LYSMD4: variants seen among roughly 807,000 people sequenced by gnomAD.
The protein encoded by LYSMD4 is lysM and putative peptidoglycan-binding domain-containing protein 4.
In LYSMD4, 9 loss-of-function variants were observed where a neutral mutation model predicts 6.1. The ratio of observed to expected loss-of-function variants is 1.47; its 90% CI spans 0.88 to 2.56. The LOEUF is 2.56. Among genes scored for constraint, LYSMD4 ranks in the 30% most tolerant of loss-of-function variants. The pLI is 0.00. For missense variants in LYSMD4, 384 were observed against 373.5 expected, an observed-to-expected ratio of 1.03 and a Z score of -0.23; for synonymous variants, 143 against 148.5, an observed-to-expected ratio of 0.96 and a Z score of 0.27.
chr15:99,722,195 G>A (rs2059242516), upstream of LYSMD4, among the ~76,000 whole-genome samples: 1 of 152,200 alleles, frequency 6.6e-6, no homozygotes, highest in Admixed American at 6.5e-5. Flanking sequence ...TTATTACCTA[G>A]TTTATTAATG....
upstream of LYSMD4, among the ~76,000 whole-genome samples, chr15:99,721,141 A>C (rs1261918446): frequency 6.6e-6 from 1 of 152,196 alleles, no homozygotes; most frequent in Non-Finnish European, 1.5e-5. Flanking sequence ...TATGTGATAC[A>C]ACCTGAAAAA....
In LYSMD4 at chr15:99,729,498, C is replaced by A. The variant is rs947007733; in HGVS notation, c.516G>T (p.Gly172=). 1 of 1,614,124 alleles carries A rather than the reference C, an allele frequency of 6.2e-7. No homozygotes were observed. The highest frequency in any genetic ancestry group is 2.2e-5 in the East Asian group (1 of 44,884). ...QAGQLMGFFK[G]IDQDIERAVQ... ...CTGCACGCTCAATATCCTGGTCAAT[C>A]CCCTTAAAGAAGCCCATCAGTTGGC... Residue 172 remains glycine (G), a synonymous_variant, in exon 3 of 3, where the codon GGG becomes GGT. Coordinates refer to ENST00000684762, the MANE Select transcript of LYSMD4 (RefSeq NM_001284417.2).
At chr15:99,732,723 C>T (rs762061018) in intron 1 of LYSMD4, among the ~76,000 whole-genome samples, 2 of 152,260 alleles carry the variant, frequency 1.3e-5, no homozygotes, top group Non-Finnish European at 1.5e-5. Context: ...AACGAAATCT[C>T]AAACACGCGG....
chr15:99,726,040 T>G (rs749741663), downstream of LYSMD4, among the ~76,000 whole-genome samples: 3 of 152,086 alleles, frequency 2.0e-5, no homozygotes, highest in Non-Finnish European at 4.4e-5. Context: ...GCTTATATGA[T>G]TGTTGTTGCT....
chr15:99,721,285 A>G (rs2059235836), upstream of LYSMD4, among the ~76,000 whole-genome samples: 1 of 152,194 alleles, frequency 6.6e-6, no homozygotes, highest in Non-Finnish European at 1.5e-5. Context: ...TGTTCTGACA[A>G]TACGTGCTTC....
At position 99,729,599 on chromosome 15, in the gene LYSMD4, G is replaced by T; in HGVS notation, c.415C>A (p.Pro139Thr). 6.2e-7 allele frequency: 1 copy of T among 1,614,124 alleles called. No individual in the cohort carries two copies. Residue 139 changes from proline to threonine, a missense_variant, in exon 3 of 3, where the codon CCG (proline) becomes ACG (threonine). Pro to Thr is a conservative substitution (Grantham distance 38). Coordinates refer to ENST00000684762, the MANE Select transcript of LYSMD4 (RefSeq NM_001284417.2). ...THKELKPLLS[P>T]SSETTVTVEL... Reference sequence around the variant, plus strand: ...ACGGTCACTGTGGTCTCGGAAGACGGGCTCAGAAGGGGTTTCAGTTCTTTG... The same window carrying T: ...ACGGTCACTGTGGTCTCGGAAGACGTGCTCAGAAGGGGTTTCAGTTCTTTG...
chr15:99,722,585 A>G (rs1311743356), downstream of LYSMD4, among the ~76,000 whole-genome samples: 1 of 152,234 alleles, frequency 6.6e-6, no homozygotes, highest in Non-Finnish European at 1.5e-5. Flanking sequence ...CAACAAATGG[A>G]CCCAGAATGA....
intron 1 of LYSMD4, chr15:99,732,948 GC>G (rs1381986363): frequency 4.7e-5 from 8 of 168,882 alleles, no homozygotes; most frequent in Non-Finnish European, 8.8e-5. Context: ...CACGGCGGCA[GC>G]CCGGGGACGG....
At chr15:99,731,552 C>CA (rs1365651193) in intron 2 of LYSMD4, 166 bp downstream of exon 2, 9 of 1,532,970 alleles carry the variant, frequency 5.9e-6, no homozygotes, top group Non-Finnish European at 7.8e-6. Flanking sequence ...AAGGTACTCC[C>CA]ACCTGCATTC....
chr15:99,727,027 A>T (rs1345669002), downstream of LYSMD4, among the ~76,000 whole-genome samples: 1 of 152,152 alleles, frequency 6.6e-6, no homozygotes, highest in Non-Finnish European at 1.5e-5. Flanking sequence ...AGACACCTCC[A>T]TCTTCTCCAG....
chr15:99,717,664 G>A (rs1306051030), exon 1 of LYSMD4: 1 of 152,230 alleles, frequency 6.6e-6, no homozygotes, highest in East Asian at 1.9e-4. Flanking sequence ...CATAGCTGGG[G>A]TGTAAAGCTT....
upstream of LYSMD4, among the ~76,000 whole-genome samples, chr15:99,722,003 G>C (rs541605633): frequency 2.6e-5 from 4 of 152,234 alleles, no homozygotes; most frequent in South Asian, 8.3e-4. Context: ...CACAGTACTG[G>C]GGAGGGGGAA....
exon 1 of LYSMD4, chr15:99,716,646 G>A (rs73482426): frequency 1.9e-4 from 87 of 456,650 alleles, no homozygotes; most frequent in South Asian, 8.5e-4. Flanking sequence ...CAAGGAAACC[G>A]TCCCAACGCC....
exon 1 of LYSMD4, chr15:99,716,732 C>A: frequency 2.2e-6 from 1 of 456,126 alleles, no homozygotes; most frequent in Admixed American, 2.4e-5. Flanking sequence ...AGCAGTGGGC[C>A]ACGCAGTCCC....
upstream of LYSMD4, among the ~76,000 whole-genome samples, chr15:99,718,101 A>G (rs1338393245): frequency 6.6e-6 from 1 of 152,254 alleles, no homozygotes; most frequent in East Asian, 1.9e-4. Context: ...TGCCTGTTCT[A>G]GGATCCAATC....
downstream of LYSMD4, among the ~76,000 whole-genome samples, chr15:99,723,511 C>T (rs943253828): frequency 1.3e-5 from 2 of 152,190 alleles, no homozygotes; most frequent in African/African-American, 2.4e-5. Flanking sequence ...GACTGCTGTT[C>T]CCAGGACTAG....
At position 99,733,383 on chromosome 15, in the gene LYSMD4, C is replaced by A; in HGVS notation, c.-47G>T. On this transcript the variant is annotated 5_prime_UTR_variant, in exon 1 of 3. Coordinates refer to ENST00000684762, the MANE Select transcript of LYSMD4 (RefSeq NM_001284417.2). ...CTCCGCCGCGACCGGCGACCGGCGA[C>A]TCGCGACCCGCGACCCGCGACCCGC... 2.5e-6 allele frequency: 1 copy of A among 395,634 alleles called. No individual in the cohort carries two copies. The allele number at this position is 395,634 out of a possible 1,614,324, so 24.5% of individuals were successfully genotyped here.
chr15:99,731,864 C>G lies in LYSMD4; in HGVS notation c.136G>C (p.Val46Leu). The G allele has an allele frequency of 6.2e-7, 1 of 1,613,582 alleles. No individual in the cohort carries two copies. The highest frequency in any genetic ancestry group is 8.5e-7 in the Non-Finnish European group (1 of 1,180,030). The change falls in exon 2 of 3, where the codon GTG becomes CTG. Residue 46 changes from valine (V) to leucine (L), a missense_variant. By Grantham distance (32) the Val-to-Leu change is conservative. Coordinates refer to ENST00000684762, the MANE Select transcript of LYSMD4 (RefSeq NM_001284417.2). Reference protein sequence around the residue: ...GDSSEEESHRVVLRPRGKERH... With the variant: ...GDSSEEESHRLVLRPRGKERH... ...TCCTTGCCCCGGGGCCGCAAAACCA[C>G]ACGGTGAGACTCTTCTTCAGAAGAG...
upstream of LYSMD4, among the ~76,000 whole-genome samples, chr15:99,719,002 G>A (rs916393763): frequency 2.6e-5 from 4 of 152,026 alleles, no homozygotes; most frequent in Non-Finnish European, 4.4e-5. Flanking sequence ...GAATGCTTTG[G>A]ATTCATTTGT....
Sources: gnomAD v4.1 joint callset for allele counts (sites outside exome capture counted in the v4.1 genomes callset) on GRCh38, gnomAD v4.1.1 for gene constraint, MANE v1.5 for transcripts, NCBI Gene and HGNC (gene_info 2026-07-23, HGNC 2026-07-21) for gene names.